Variants in ESF1 observed in about 807,000 individuals in gnomAD.
ESF1 encodes ESF1 homolog.
Under a neutral mutation model 92.0 loss-of-function variants are expected in ESF1, and 58 were observed. The observed-to-expected ratio is 0.63, with a 90% CI of 0.51 to 0.78. ESF1 has a LOEUF of 0.78. ESF1 is among the 30% of genes least tolerant of loss of function. The pLI is 0.00. For synonymous variants in ESF1, 321 were observed against 313.7 expected, an observed-to-expected ratio of 1.02 and a Z score of -0.24; for missense variants, 922 against 989.1, an observed-to-expected ratio of 0.93 and a Z score of 0.91.
chr20:13,734,650 G>C (rs765895490), intron 9 of ESF1, among the ~76,000 whole-genome samples: 10 of 152,118 alleles, frequency 6.6e-5, no homozygotes, highest in Non-Finnish European at 1.5e-4. Context: ...TATTGCCAAA[G>C]TAAAGGAAAT....
chr20:13,775,311 A>C, intron 3 of ESF1, 41 bp from the exon 4 acceptor site: 7 of 1,236,500 alleles, frequency 5.7e-6, no homozygotes, highest in Non-Finnish European at 8.1e-6. Flanking sequence ...AATCCATATC[A>C]TTCTCAATAC....
intron 9 of ESF1, among the ~76,000 whole-genome samples, chr20:13,746,041 T>G (rs755969439): frequency 2.6e-5 from 4 of 152,086 alleles, no homozygotes; most frequent in Non-Finnish European, 4.4e-5. Context: ...CTCAGATCAC[T>G]GCAACCTCCA....
chr20:13,759,831 T>G lies in ESF1; in HGVS notation c.1689A>C (p.Glu563Asp). Residue 563 changes from glutamate (E) to aspartate (D), a missense_variant, in exon 9 of 14, where the codon GAA becomes GAC. By Grantham distance (45) the Glu-to-Asp change is conservative. Coordinates refer to ENST00000617257, the MANE Select transcript of ESF1 (RefSeq NM_001276380.2). Reference sequence around the variant, plus strand: ...GACTTTTCTTTGTTTTCCCATCTTCTTCTACATTGACTCCATCATCACCTA... The same window carrying G: ...GACTTTTCTTTGTTTTCCCATCTTCGTCTACATTGACTCCATCATCACCTA... ...ELQGDDGVNV[E>D]EDGKTKKSQK... 6.3e-7 allele frequency: 1 copy of G among 1,598,006 alleles called. No homozygotes were observed. The highest frequency in any genetic ancestry group is 1.8e-5 in the Admixed American group (1 of 56,676).
chr20:13,749,121 A>G (rs1978476244), intron 9 of ESF1, among the ~76,000 whole-genome samples: 1 of 151,856 alleles, frequency 6.6e-6, no homozygotes, highest in Admixed American at 6.6e-5. Flanking sequence ...GTTGGAGTGC[A>G]ACGGCATGAT....
chr20:13,733,959 A>G, intron 9 of ESF1, 117 bp from the exon 10 acceptor site: 1 of 1,226,602 alleles, frequency 8.2e-7, no homozygotes, highest in East Asian at 2.6e-5. Flanking sequence ...AACAAAGATA[A>G]CATGCAATGG....
intron 9 of ESF1, among the ~76,000 whole-genome samples, chr20:13,756,372 A>G (rs1217043087): frequency 6.6e-6 from 1 of 152,144 alleles, no homozygotes; most frequent in African/African-American, 2.4e-5. Context: ...TAAAATATCA[A>G]TTTTCCCCTA....
intron 7 of ESF1, among the ~76,000 whole-genome samples, chr20:13,769,037 C>A (rs1305997777): frequency 6.6e-6 from 1 of 151,990 alleles, no homozygotes; most frequent in East Asian, 1.9e-4. Context: ...TATTCCATAT[C>A]AATTCTTTTT....
At chr20:13,759,446 C>T (rs909306997) in intron 9 of ESF1, among the ~76,000 whole-genome samples, 4 of 152,086 alleles carry the variant, frequency 2.6e-5, no homozygotes, top group African/African-American at 9.7e-5. Flanking sequence ...CTTGAGAATA[C>T]AGGCTCAAAC....
chr20:13,748,523 T>G (rs1484409169), intron 9 of ESF1, among the ~76,000 whole-genome samples: 1 of 116,592 alleles, frequency 8.6e-6, no homozygotes, highest in African/African-American at 3.0e-5. Flanking sequence ...TATACACATA[T>G]ATATATACAC....
At position 13,782,969 on chromosome 20, in the gene ESF1, G is replaced by A. The variant is rs1277847783; in HGVS notation, c.172C>T (p.Arg58Cys). ...TCTGTAGTGCTATGGCTAATGGGGC[G>A]CCCTCTTTTATCCACGGCATAGTTC... ...KLNYAVDKRG[R>C]PISHSTTEDL... The change falls in exon 2 of 14, where the codon CGC (arginine) becomes TGC (cysteine). Residue 58 changes from arginine (R) to cysteine (C), a missense_variant. By Grantham distance (180) the Arg-to-Cys change is radical. Transcript: ENST00000617257. 8 of 1,613,900 alleles carry A rather than the reference G, an allele frequency of 5.0e-6. No homozygotes were observed. Among genetic ancestry groups the A allele is most frequent in the Middle Eastern group, 1.6e-4 (1 of 6,084 alleles).
At chr20:13,773,931 T>C (rs1026193440) in intron 4 of ESF1, among the ~76,000 whole-genome samples, 7 of 151,894 alleles carry the variant, frequency 4.6e-5, no homozygotes, top group African/African-American at 4.8e-5. Flanking sequence ...CCGTCTCTAC[T>C]AAAAATACAA....
At position 13,759,684 on chromosome 20, in the gene ESF1, A is replaced by C; in HGVS notation, c.1828+8T>G. 1 of 1,574,404 alleles carries C rather than the reference A, an allele frequency of 6.4e-7. No individual in the cohort carries two copies. The highest frequency in any genetic ancestry group is 8.5e-7 in the Non-Finnish European group (1 of 1,170,748). On this transcript the variant is annotated splice_region_variant and intron_variant, in intron 9 of 13. Coordinates refer to ENST00000617257, the MANE Select transcript of ESF1 (RefSeq NM_001276380.2). ...AAAAAGAGAAAACATTTAGTATCTA[A>C]TTCTTACCTGGAACCCATTTAATTT... is the stretch of plus-strand genomic sequence containing the variant.
At position 13,776,172 on chromosome 20, in the gene ESF1, C is replaced by T. The variant is rs137873021; in HGVS notation, c.736G>A (p.Val246Ile). ...KDALEEDSES[V>I]SEIGSDEESE... ...TCCTCATCACTTCCTATTTCACTAA[C>T]GCTTTCTGAATCTTCCTCCAGAGCA... The change falls in exon 3 of 14, where the codon GTT (valine) becomes ATT (isoleucine). Residue 246 changes from valine (V) to isoleucine (I), a missense_variant. Physicochemically the swap from Val to Ile is conservative, Grantham distance 29 (BLOSUM62 3). Transcript: ENST00000617257. 24 of 1,613,810 alleles carry T rather than the reference C, an allele frequency of 1.5e-5. No individual in the cohort carries two copies. The highest frequency in any genetic ancestry group is 5.3e-5 in the African/African-American group (4 of 74,920).
At chr20:13,771,240 TAAAAC>T in intron 6 of ESF1, 86 bp downstream of exon 6, 1 of 1,232,830 alleles carries the variant, frequency 8.1e-7, no homozygotes, top group East Asian at 2.3e-5. Flanking sequence ...TTTTAGAATA[TAAAAC>T]AGAGATCACT....
At chr20:13,749,614 G>A (rs946455938) in intron 9 of ESF1, among the ~76,000 whole-genome samples, 7 of 152,082 alleles carry the variant, frequency 4.6e-5, no homozygotes, top group Non-Finnish European at 1.0e-4. Flanking sequence ...CACCCAGGCT[G>A]GAGTATAGTG....
intron 10 of ESF1, 44 bp from the exon 11 acceptor site, chr20:13,728,509 AATTAT>A (rs769700266): frequency 3.0e-6 from 4 of 1,329,246 alleles, no homozygotes; most frequent in Middle Eastern, 4.9e-4. Context: ...TTATTACAAG[AATTAT>A]AATAAATGTA....
intron 9 of ESF1, 115 bp from the exon 10 acceptor site, chr20:13,733,957 T>C (rs2049960421): frequency 8.2e-7 from 1 of 1,225,380 alleles, no homozygotes; most frequent in African/African-American, 1.5e-5. Flanking sequence ...GTAACAAAGA[T>C]AACATGCAAT....
At chr20:13,772,096 T>C (rs1227009467) in intron 5 of ESF1, among the ~76,000 whole-genome samples, 3 of 145,928 alleles carry the variant, frequency 2.1e-5, no homozygotes, top group African/African-American at 5.0e-5. Context: ...ACCATGATGA[T>C]AAAAAAAAAA....
At chr20:13,780,425 CT>C (rs770556371) in intron 2 of ESF1, among the ~76,000 whole-genome samples, 42 of 152,198 alleles carry the variant, frequency 2.8e-4, no homozygotes, top group Non-Finnish European at 5.9e-4. Flanking sequence ...CAATCTTATT[CT>C]TCAATTTTAG....
Sources: gnomAD v4.1 joint callset for allele counts (sites outside exome capture counted in the v4.1 genomes callset) on GRCh38, gnomAD v4.1.1 for gene constraint, MANE v1.5 for transcripts, NCBI Gene and HGNC (gene_info 2026-07-23, HGNC 2026-07-21) for gene names.